The following PDE4D variants were observed in gnomAD, a reference collection of about 807,000 sequenced individuals.
The protein encoded by PDE4D is 3',5'-cyclic-AMP phosphodiesterase 4D.
In PDE4D, 24 loss-of-function variants were observed where a neutral mutation model predicts 87.4. The observed-to-expected ratio is 0.27, with a 90% CI of 0.20 to 0.39. PDE4D has a LOEUF of 0.39. PDE4D is among the 10% of genes least tolerant of loss of function. PDE4D has a pLI of 1.00. For synonymous variants in PDE4D, 384 were observed against 383.2 expected (o/e 1.00, Z -0.02); for missense variants, 714 against 1,041.0 (o/e 0.69, Z 4.32).
chr5:59,141,550 C>T (rs1777887908), intron 5 of PDE4D, among the ~76,000 whole-genome samples: 1 of 152,226 alleles, frequency 6.6e-6, no homozygotes, highest in African/African-American at 2.4e-5. Context: ...TCCAGGCCTA[C>T]TGCCTCACTT....
At chr5:60,036,143 C>T (rs962802573) in intron 2 of PDE4D, among the ~76,000 whole-genome samples, 1 of 152,110 alleles carries the variant, frequency 6.6e-6, no homozygotes, top group African/African-American at 2.4e-5. Flanking sequence ...TGAATGTATT[C>T]ATGTGAACCT....
chr5:59,081,518 T>TTAAAAAAAAAAAAAAAAA (rs56306218), intron 5 of PDE4D, among the ~76,000 whole-genome samples: 37 of 135,362 alleles, frequency 2.7e-4, no homozygotes, highest in Non-Finnish European at 3.7e-4. Context: ...AGTAATCAGG[T>TTAAAAAAAAAAAAAAAAA]AAAAAAAAAA....
At chr5:60,070,936 A>T (rs1772646370) in intron 2 of PDE4D, among the ~76,000 whole-genome samples, 1 of 151,832 alleles carries the variant, frequency 6.6e-6, no homozygotes, top group Non-Finnish European at 1.5e-5. Context: ...GAATTTATTC[A>T]TTTCTTCTAG....
At chr5:60,351,053 A>G (rs1295604107) in intron 1 of PDE4D, among the ~76,000 whole-genome samples, 1 of 152,206 alleles carries the variant, frequency 6.6e-6, no homozygotes, top group African/African-American at 2.4e-5. Flanking sequence ...AGAGCTGAGC[A>G]TGTGCTCAGG....
chr5:60,097,449 T>C (rs865833605), intron 2 of PDE4D, among the ~76,000 whole-genome samples: 1 of 152,128 alleles, frequency 6.6e-6, no homozygotes, highest in East Asian at 1.9e-4. Context: ...TAAAAAGAAA[T>C]TGTGAACTGT....
intron 1 of PDE4D, among the ~76,000 whole-genome samples, chr5:60,302,732 T>G (rs1754025002): frequency 6.6e-6 from 1 of 152,232 alleles, no homozygotes; most frequent in Admixed American, 6.5e-5. Context: ...TGCTCTTGAT[T>G]CTCTAGTTCC....
At chr5:60,133,260 C>T (rs1173854462) in intron 2 of PDE4D, among the ~76,000 whole-genome samples, 2 of 152,144 alleles carry the variant, frequency 1.3e-5, no homozygotes, top group Non-Finnish European at 2.9e-5. Flanking sequence ...CAATTATAGG[C>T]TTTGGAGACA....
At chr5:59,546,184 A>AG (rs1458506805) in intron 1 of PDE4D, among the ~76,000 whole-genome samples, 16 of 152,178 alleles carry the variant, frequency 1.1e-4, no homozygotes, top group African/African-American at 3.6e-4. Context: ...AGGAGCTCAT[A>AG]GAAATGTTAA....
At chr5:59,366,938 G>A (rs1783154589) in intron 1 of PDE4D, among the ~76,000 whole-genome samples, 1 of 152,152 alleles carries the variant, frequency 6.6e-6, no homozygotes, top group Admixed American at 6.5e-5. Context: ...TGAAACTGAA[G>A]AACTCAACAC....
intron 1 of PDE4D, among the ~76,000 whole-genome samples, chr5:59,791,006 T>A (rs778770703): frequency 5.9e-5 from 9 of 152,306 alleles, no homozygotes; most frequent in Middle Eastern, 6.8e-3. Context: ...GTTAATTCTC[T>A]TCCTAAGAAA....
intron 5 of PDE4D, among the ~76,000 whole-genome samples, chr5:59,156,406 T>C (rs1183322833): frequency 1.4e-5 from 2 of 148,040 alleles, no homozygotes; most frequent in African/African-American, 5.0e-5. Context: ...GACACTAAAT[T>C]TGAGCCAAGG....
chr5:60,387,068 A>G (rs1254116884), intron 1 of PDE4D, among the ~76,000 whole-genome samples: 1 of 152,334 alleles, frequency 6.6e-6, no homozygotes, highest in South Asian at 2.1e-4. Flanking sequence ...GTTGCCTCTC[A>G]TCACCTGTGT....
chr5:60,324,797 A>C (rs893153802), intron 1 of PDE4D, among the ~76,000 whole-genome samples: 1 of 152,252 alleles, frequency 6.6e-6, no homozygotes, highest in African/African-American at 2.4e-5. Flanking sequence ...CCTACGCCTC[A>C]TATGGTTACT....
At chr5:59,860,001 A>G (rs1001134868) in intron 1 of PDE4D, among the ~76,000 whole-genome samples, 2 of 152,218 alleles carry the variant, frequency 1.3e-5, no homozygotes, top group Non-Finnish European at 2.9e-5. Flanking sequence ...TGACAGTTGA[A>G]TTGGAGTTTA....
At chr5:59,154,325 G>C (rs1779861039) in intron 5 of PDE4D, among the ~76,000 whole-genome samples, 1 of 152,154 alleles carries the variant, frequency 6.6e-6, no homozygotes, top group African/African-American at 2.4e-5. Flanking sequence ...GTGTGTGTTT[G>C]CATGTCTGTG....
At chr5:60,019,630 G>A (rs2152851459) in intron 2 of PDE4D, among the ~76,000 whole-genome samples, 1 of 152,252 alleles carries the variant, frequency 6.6e-6, no homozygotes, top group South Asian at 2.1e-4. Context: ...ACCTCTCCTA[G>A]CATCTGACTT....
intron 1 of PDE4D, among the ~76,000 whole-genome samples, chr5:59,274,707 A>G (rs1764478474): frequency 6.6e-6 from 1 of 152,130 alleles, no homozygotes. Flanking sequence ...TCAAATCACC[A>G]TTGGGGAAAT....
intron 2 of PDE4D, among the ~76,000 whole-genome samples, chr5:60,167,293 G>A (rs541097614): frequency 1.6e-3 from 209 of 130,788 alleles, no homozygotes; most frequent in Admixed American, 2.5e-3. Context: ...TTTTTGAGAC[G>A]GAGTCTCGCT....
intron 1 of PDE4D, among the ~76,000 whole-genome samples, chr5:59,399,180 C>T (rs1172049723): frequency 7.4e-6 from 1 of 135,098 alleles, no homozygotes; most frequent in Non-Finnish European, 1.7e-5. Context: ...AGATTCAATG[C>T]CATCCCCATC....
Sources: allele counts gnomAD v4.1 joint callset (sites outside exome capture counted in the v4.1 genomes callset), GRCh38; gene constraint gnomAD v4.1.1; transcripts MANE v1.5; gene names NCBI Gene and HGNC (gene_info 2026-07-23, HGNC 2026-07-21).